Variants in HIVEP3 observed in about 807,000 individuals in gnomAD.
HIVEP3 encodes the protein transcription factor HIVEP3.
In HIVEP3, 49 loss-of-function variants were observed where a neutral mutation model predicts 152.8. That is an observed-to-expected ratio of 0.32 (90% CI 0.26 to 0.41). The LOEUF is 0.41. Among genes scored for constraint, HIVEP3 ranks in the 10% least tolerant of loss-of-function variants. HIVEP3 has a pLI of 1.00. For missense variants in HIVEP3, 2,790 were observed against 3,103.3 expected, an observed-to-expected ratio of 0.90 and a Z score of 2.40; for synonymous variants, 1,269 against 1,289.0, an observed-to-expected ratio of 0.98 and a Z score of 0.33.
At chr1:41,724,096 T>C (rs1404398650) in intron 1 of HIVEP3, among the ~76,000 whole-genome samples, 1 of 152,158 alleles carries the variant, frequency 6.6e-6, no homozygotes, top group Non-Finnish European at 1.5e-5. Flanking sequence ...CGAGGATGAA[T>C]CTTTTTCTCC....
At chr1:42,006,625 T>A (rs2124526948) in intron 1 of HIVEP3, among the ~76,000 whole-genome samples, 1 of 151,588 alleles carries the variant, frequency 6.6e-6, no homozygotes, top group African/African-American at 2.4e-5. Context: ...TTAGTGAGTC[T>A]CTTTAATGTC....
At position 41,511,125 on chromosome 1, in the gene HIVEP3, G is replaced by A. The variant is rs1644449152; in HGVS notation, c.6547C>T (p.His2183Tyr). Residue 2183 changes from histidine to tyrosine, a missense_variant, in exon 9 of 9, where the codon CAC becomes TAC. Physicochemically the swap from His to Tyr is moderately conservative, Grantham distance 83. Transcript: ENST00000372583. This position sits in a 1 kb window ranked among gnomAD's most constrained non-coding sequence, Gnocchi z 4.9. ...GGGGCACGGGTCAAGTGCTGGGAGT[G>A]CAGAGGCAGGTGGCTGAAGATGTTC... is the stretch of plus-strand genomic sequence containing the variant. ...EENIFSHLPL[H>Y]SQHLTRAPCP... 1.2e-6 allele frequency: 2 copies of A among 1,614,206 alleles called. No individual in the cohort carries two copies. The highest frequency in any genetic ancestry group is 1.7e-6 in the Non-Finnish European group (2 of 1,180,032).
rs766846412 is a variant in HIVEP3 at position 41,582,654 on chromosome 1, C to T, written c.2144G>A (p.Arg715Lys). ...GTCCCCAAGGCTCTTCTCTTTCCTCCTCTTCCTCAGTGGAGTGAGTTCCAG... is the reference window on the plus strand; with the variant it reads ...GTCCCCAAGGCTCTTCTCTTTCCTCTTCTTCCTCAGTGGAGTGAGTTCCAG... ...TTLELTPLRK[R>K]RKEKSLGDEE... is the part of the protein sequence containing the mutation. The change falls in exon 4 of 9, where the codon AGG becomes AAG. Residue 715 changes from arginine (R) to lysine (K), a missense_variant. This residue lies in a region of HIVEP3 where 339 missense variants were observed against 327.0 expected (regional missense o/e 1.04). Transcript: ENST00000372583. The surrounding 1 kb of genome is among the most constrained non-coding windows in gnomAD (Gnocchi z 4.7). 2 of 1,614,040 alleles carry T rather than the reference C, an allele frequency of 1.2e-6. No homozygotes were observed. The highest frequency in any genetic ancestry group is 1.1e-5 in the South Asian group (1 of 91,082).
At chr1:41,534,087 G>A (rs1031990489) in intron 5 of HIVEP3, among the ~76,000 whole-genome samples, 4 of 152,004 alleles carry the variant, frequency 2.6e-5, no homozygotes, top group Non-Finnish European at 4.4e-5. Flanking sequence ...TGCTCCAAGG[G>A]TGCCACCTCT....
At chr1:41,774,336 T>C (rs1648558849) in intron 1 of HIVEP3, among the ~76,000 whole-genome samples, 1 of 152,224 alleles carries the variant, frequency 6.6e-6, no homozygotes, top group Non-Finnish European at 1.5e-5. Context: ...GGGTTGTTTT[T>C]TCTATAGCAC....
intron 5 of HIVEP3, among the ~76,000 whole-genome samples, chr1:41,536,915 A>T (rs1643415463): frequency 1.3e-5 from 2 of 152,302 alleles, no homozygotes; most frequent in African/African-American, 4.8e-5. Context: ...ATTTGAACTC[A>T]GGTCACCTGG....
At chr1:41,882,063 G>A (rs1284036021) in intron 1 of HIVEP3, among the ~76,000 whole-genome samples, 1 of 152,170 alleles carries the variant, frequency 6.6e-6, no homozygotes, top group Admixed American at 6.5e-5. Context: ...TAATGTTTTT[G>A]TAGACACATT....
At chr1:41,526,084 GGA>G (rs1449260003) in intron 5 of HIVEP3, among the ~76,000 whole-genome samples, 1 of 152,022 alleles carries the variant, frequency 6.6e-6, no homozygotes, top group Non-Finnish European at 1.5e-5. Flanking sequence ...GGTGAGCAAG[GGA>G]CAGCGTGTCG....
intron 1 of HIVEP3, among the ~76,000 whole-genome samples, chr1:41,839,792 C>G (rs147369946): frequency 6.6e-6 from 1 of 152,194 alleles, no homozygotes; most frequent in African/African-American, 2.4e-5. Context: ...TAACGGTCTA[C>G]CTTGCTTAGC....
upstream of HIVEP3, among the ~76,000 whole-genome samples, chr1:41,923,521 C>T (rs1644951912): frequency 6.6e-6 from 1 of 152,072 alleles, no homozygotes; most frequent in Non-Finnish European, 1.5e-5. Flanking sequence ...CAACATTGGC[C>T]AATGGGAACA....
At chr1:41,680,478 T>C (rs555935346) in intron 2 of HIVEP3, among the ~76,000 whole-genome samples, 2 of 152,300 alleles carry the variant, frequency 1.3e-5, no homozygotes, top group East Asian at 1.9e-4. Context: ...GATCAGCCTA[T>C]AGTTCCAAGG....
intron 1 of HIVEP3, among the ~76,000 whole-genome samples, chr1:41,908,569 C>G (rs1644749594): frequency 6.6e-6 from 1 of 152,172 alleles, no homozygotes; most frequent in Non-Finnish European, 1.5e-5. Flanking sequence ...TTGGCATAGT[C>G]TTTCATGGTT....
At chr1:41,751,066 G>A (rs1057427862) in intron 1 of HIVEP3, among the ~76,000 whole-genome samples, 6 of 152,126 alleles carry the variant, frequency 3.9e-5, no homozygotes, top group African/African-American at 7.2e-5. Context: ...ATGGGCATCC[G>A]TGTTAAACCC....
At chr1:41,528,759 A>C (rs1558032097) in intron 5 of HIVEP3, among the ~76,000 whole-genome samples, 1 of 96,256 alleles carries the variant, frequency 1.0e-5, no homozygotes, top group Non-Finnish European at 2.1e-5. Flanking sequence ...CTCCATCCTC[A>C]CACTCACCTT....
intron 1 of HIVEP3, among the ~76,000 whole-genome samples, chr1:41,979,002 C>T (rs1645280056): frequency 6.6e-6 from 1 of 152,188 alleles, no homozygotes; most frequent in Non-Finnish European, 1.5e-5. Flanking sequence ...GGCATCCTCT[C>T]TTCCCTGTGC....
intron 1 of HIVEP3, among the ~76,000 whole-genome samples, chr1:41,833,043 G>T (rs534144785): frequency 6.6e-6 from 1 of 152,196 alleles, no homozygotes; most frequent in East Asian, 1.9e-4. Context: ...GCAAGTAGAA[G>T]CTCTTCATTT....
intron 5 of HIVEP3, among the ~76,000 whole-genome samples, chr1:41,547,634 G>A (rs1042142649): frequency 6.6e-6 from 1 of 152,178 alleles, no homozygotes; most frequent in Non-Finnish European, 1.5e-5. Flanking sequence ...ACTCCTGCTG[G>A]GCCAGGCGTT....
intron 1 of HIVEP3, among the ~76,000 whole-genome samples, chr1:41,959,738 T>C (rs1557539751): frequency 6.6e-6 from 1 of 152,234 alleles, no homozygotes; most frequent in Non-Finnish European, 1.5e-5. Context: ...TTACTCCCAG[T>C]GTCCCTTGTG....
intron 1 of HIVEP3, among the ~76,000 whole-genome samples, chr1:41,949,082 C>G (rs1365195510): frequency 1.3e-5 from 2 of 152,138 alleles, no homozygotes; most frequent in Non-Finnish European, 2.9e-5. Context: ...GTAACTCCTC[C>G]CACACAAATA....
Sources: gnomAD v4.1 joint callset for allele counts (sites outside exome capture counted in the v4.1 genomes callset) on GRCh38, gnomAD v4.1.1 for gene constraint, gnomAD v4.1.1 regional missense constraint, Gnocchi (gnomAD v3.1) non-coding constraint, MANE v1.5 for transcripts, NCBI Gene and HGNC (gene_info 2026-07-23, HGNC 2026-07-21) for gene names.